Variants in GPR39 observed in about 807,000 individuals in gnomAD.
GPR39 encodes zinc sensing receptor.
A neutral mutation model predicts 18.4 loss-of-function variants in GPR39; 23 were observed. The observed-to-expected ratio is 1.25, with a 90% CI of 0.90 to 1.77. The LOEUF is 1.77. Ranked by LOEUF, GPR39 falls within the 40% of genes most tolerant of loss-of-function variation. GPR39 has a pLI of 0.00. For synonymous variants in GPR39, 280 were observed against 257.9 expected, an observed-to-expected ratio of 1.09 and a Z score of -0.82; for missense variants, 647 against 602.4, an observed-to-expected ratio of 1.07 and a Z score of -0.78.
intron 1 of GPR39, among the ~76,000 whole-genome samples, chr2:132,456,236 T>C (rs1680725401): frequency 6.6e-6 from 1 of 152,090 alleles, no homozygotes; most frequent in Non-Finnish European, 1.5e-5. Flanking sequence ...TGTAATGGCC[T>C]TCTTTGTCTC....
At chr2:132,572,520 A>G (rs891698898) in intron 1 of GPR39, among the ~76,000 whole-genome samples, 7 of 151,480 alleles carry the variant, frequency 4.6e-5, no homozygotes, top group Non-Finnish European at 7.4e-5. Flanking sequence ...GTCAGAACTC[A>G]TAGGGTTAGA....
chr2:132,493,537 A>G (rs1426741385), intron 1 of GPR39, among the ~76,000 whole-genome samples: 2 of 137,678 alleles, frequency 1.5e-5, no homozygotes, highest in Non-Finnish European at 3.0e-5. Flanking sequence ...TACACACACC[A>G]TATATATATA....
intron 1 of GPR39, among the ~76,000 whole-genome samples, chr2:132,628,409 G>T (rs777960104): frequency 6.6e-6 from 1 of 152,278 alleles, no homozygotes; most frequent in East Asian, 1.9e-4. Context: ...CTCAAATGTG[G>T]TCTCTCAAGT....
intron 1 of GPR39, among the ~76,000 whole-genome samples, chr2:132,522,953 G>T (rs933502225): frequency 6.6e-6 from 1 of 152,222 alleles, no homozygotes; most frequent in African/African-American, 2.4e-5. Context: ...CCCTTGGCAT[G>T]TGCATGTGGC....
intron 1 of GPR39, among the ~76,000 whole-genome samples, chr2:132,447,836 T>A (rs375733317): frequency 3.3e-5 from 5 of 152,318 alleles, no homozygotes; most frequent in Non-Finnish European, 5.9e-5. Context: ...TTTGTCAAAT[T>A]CTGACTCTCC....
At chr2:132,495,558 C>T (rs906674375) in intron 1 of GPR39, among the ~76,000 whole-genome samples, 8 of 152,096 alleles carry the variant, frequency 5.3e-5, no homozygotes, top group African/African-American at 1.9e-4. Flanking sequence ...TCTTCACTGA[C>T]CTCGGCAGCA....
At chr2:132,607,023 T>TC (rs929251759) in intron 1 of GPR39, among the ~76,000 whole-genome samples, 1 of 152,052 alleles carries the variant, frequency 6.6e-6, no homozygotes, top group Non-Finnish European at 1.5e-5. Context: ...ATATATATTT[T>TC]CCCCCACTAA....
chr2:132,566,665 T>C (rs1381253836), intron 1 of GPR39, among the ~76,000 whole-genome samples: 1 of 152,022 alleles, frequency 6.6e-6, no homozygotes, highest in African/African-American at 2.4e-5. Flanking sequence ...TTGGTGAGAG[T>C]GTGGGCTGGT....
intron 1 of GPR39, among the ~76,000 whole-genome samples, chr2:132,565,734 CA>C (rs1469057374): frequency 1.4e-5 from 2 of 145,268 alleles, no homozygotes; most frequent in African/African-American, 5.1e-5. Flanking sequence ...ATGAACTCAT[CA>C]TTTTTTATGG....
chr2:132,645,201 C>A lies in GPR39; in HGVS notation c.957C>A (p.Phe319Leu). The stretch of plus-strand genomic sequence containing the variant: ...AGCACGACTGGACGAGGTCCTACTT[C>A]CGGGCGTACATGATCCTCCTCCCCT... ...KPKHDWTRSY[F>L]RAYMILLPFS... Residue 319 changes from phenylalanine to leucine, a missense_variant, in exon 2 of 2, where the codon TTC becomes TTA. Phe to Leu is a conservative substitution (Grantham distance 22). Around this residue, in one of 3 missense-constraint regions of GPR39, gnomAD observed 581 missense variants for 506.8 expected, o/e 1.15. Transcript: ENST00000329321. 6.2e-7 allele frequency: 1 copy of A among 1,614,180 alleles called. No homozygotes were observed.
chr2:132,547,181 G>T (rs1302491512), intron 1 of GPR39, among the ~76,000 whole-genome samples: 1 of 152,184 alleles, frequency 6.6e-6, no homozygotes, highest in Non-Finnish European at 1.5e-5. Flanking sequence ...CCTTTGAGGG[G>T]AGTGATATTT....
chr2:132,441,656 G>A (rs1330938664), intron 1 of GPR39, among the ~76,000 whole-genome samples: 1 of 152,170 alleles, frequency 6.6e-6, no homozygotes, highest in African/African-American at 2.4e-5. Flanking sequence ...TCACACCGAA[G>A]CTTCCATTTC....
intron 1 of GPR39, among the ~76,000 whole-genome samples, chr2:132,598,493 C>T (rs1455835993): frequency 7.4e-6 from 1 of 135,588 alleles, no homozygotes; most frequent in Non-Finnish European, 1.6e-5. Context: ...TTTAAGGCTC[C>T]CAATTCTAAT....
At chr2:132,609,532 T>G (rs531191691) in intron 1 of GPR39, among the ~76,000 whole-genome samples, 1 of 152,258 alleles carries the variant, frequency 6.6e-6, no homozygotes, top group East Asian at 1.9e-4. Flanking sequence ...TAATTACTAT[T>G]CTAGATGGCT....
chr2:132,645,189 G>T lies in GPR39; in HGVS notation c.945G>T (p.Thr315=). 1 of 1,614,094 alleles carries T rather than the reference G, an allele frequency of 6.2e-7. No homozygotes were observed. The highest frequency in any genetic ancestry group is 8.5e-7 in the Non-Finnish European group (1 of 1,180,014). Residue 315 remains threonine, a synonymous_variant, in exon 2 of 2, where the codon ACG becomes ACT. Coordinates refer to ENST00000329321, the MANE Select transcript of GPR39 (RefSeq NM_001508.3). ...MAAAKPKHDW[T]RSYFRAYMIL... is the part of the protein sequence containing the mutation. ...CGGCCAAACCCAAGCACGACTGGACGAGGTCCTACTTCCGGGCGTACATGA... is the reference window on the plus strand; with the variant it reads ...CGGCCAAACCCAAGCACGACTGGACTAGGTCCTACTTCCGGGCGTACATGA...
chr2:132,455,279 A>G (rs1303277571), intron 1 of GPR39, among the ~76,000 whole-genome samples: 2 of 152,120 alleles, frequency 1.3e-5, no homozygotes, highest in African/African-American at 4.8e-5. Flanking sequence ...AGAGGTGTTT[A>G]TAGTATTCTC....
intron 1 of GPR39, among the ~76,000 whole-genome samples, chr2:132,532,024 A>G (rs1036158890): frequency 9.2e-5 from 14 of 152,234 alleles, no homozygotes; most frequent in African/African-American, 3.4e-4. Flanking sequence ...GGAGATAGAG[A>G]CACAAAAAAC....
intron 1 of GPR39, among the ~76,000 whole-genome samples, chr2:132,582,809 A>G (rs1465003473): frequency 2.6e-5 from 4 of 152,058 alleles, no homozygotes; most frequent in Non-Finnish European, 5.9e-5. Context: ...GTACTTTTCA[A>G]TCTGCAGGTT....
At chr2:132,493,496 TATATACACC>T (rs1252663444) in intron 1 of GPR39, among the ~76,000 whole-genome samples, 10 of 98,888 alleles carry the variant, frequency 1.0e-4, no homozygotes, top group African/African-American at 4.1e-4. Context: ...ACCATATATA[TATATACACC>T]ATATATATAT....
Sources: allele counts gnomAD v4.1 joint callset (sites outside exome capture counted in the v4.1 genomes callset), GRCh38; gene constraint gnomAD v4.1.1; regional missense constraint gnomAD v4.1.1; transcripts MANE v1.5; gene names NCBI Gene and HGNC (gene_info 2026-07-23, HGNC 2026-07-21).